The following CORIN variants were observed in gnomAD, a reference collection of about 807,000 sequenced individuals.
The protein encoded by CORIN is atrial natriuretic peptide-converting enzyme.
CORIN carries 117 observed loss-of-function variants against 125.3 expected under a neutral mutation model. The observed-to-expected ratio is 0.93, with a 90% CI of 0.80 to 1.09. The LOEUF is 1.09. CORIN is among the 50% of genes least tolerant of loss of function. The pLI is 0.00. For synonymous variants in CORIN, 450 were observed against 466.4 expected (o/e 0.96, Z 0.45); for missense variants, 1,253 against 1,306.7 (o/e 0.96, Z 0.63).
intron 5 of CORIN, among the ~76,000 whole-genome samples, chr4:47,734,689 T>C (rs1728043675): frequency 6.6e-6 from 1 of 152,238 alleles, no homozygotes; most frequent in Admixed American, 6.5e-5. Flanking sequence ...GCAAAACATA[T>C]AGCCCTGGAC....
At chr4:47,626,341 G>A in intron 17 of CORIN, 64 bp downstream of exon 17, 1 of 955,596 alleles carries the variant, frequency 1.0e-6, no homozygotes, top group Non-Finnish European at 1.7e-6. Flanking sequence ...ATGGAAGAAA[G>A]GCCCAATGAT....
In CORIN at chr4:47,594,316, A is replaced by G. The variant is rs918686264; in HGVS notation, c.*1405T>C. ...AAAATACATGTATAAAATTGCAGGT[A>G]GTATCTATTTGGAATGCTGAGGCAG... is the stretch of plus-strand genomic sequence containing the variant. On this transcript the variant is annotated 3_prime_UTR_variant, in exon 22 of 22. Transcript: ENST00000273857. 6 of 152,582 alleles carry G rather than the reference A, an allele frequency of 3.9e-5. No homozygotes were observed. The highest frequency in any genetic ancestry group is 8.8e-5 in the Non-Finnish European group (6 of 67,998). The allele number at this position is 152,582 out of a possible 1,614,324, so 9.5% of individuals were successfully genotyped here.
chr4:47,734,308 C>T (rs61762913), intron 5 of CORIN, among the ~76,000 whole-genome samples: 20 of 152,306 alleles, frequency 1.3e-4, no homozygotes, highest in Admixed American at 3.9e-4. Context: ...TGGAAGAAGA[C>T]GATTGAGACA....
intron 3 of CORIN, among the ~76,000 whole-genome samples, chr4:47,774,495 T>C (rs1401173928): frequency 6.6e-6 from 1 of 152,110 alleles, no homozygotes; most frequent in Non-Finnish European, 1.5e-5. Flanking sequence ...TTCTGATAAA[T>C]AATAAAATTA....
intron 1 of CORIN, among the ~76,000 whole-genome samples, chr4:47,808,437 G>A (rs1424432707): frequency 2.6e-5 from 4 of 152,208 alleles, no homozygotes. Context: ...CAAGGCATAT[G>A]TGATTCCCAT....
chr4:47,760,002 G>A (rs561328253), intron 4 of CORIN, among the ~76,000 whole-genome samples: 95 of 152,116 alleles, frequency 6.2e-4, no homozygotes, highest in Non-Finnish European at 1.2e-3. Flanking sequence ...TTCACCTCCT[G>A]TCATGAATCA....
At chr4:47,762,413 T>C (rs7657944) in intron 4 of CORIN, among the ~76,000 whole-genome samples, 22,331 of 152,230 alleles carry the variant, frequency 0.15, 2,306 homozygotes, top group African/African-American at 0.28. Flanking sequence ...TGATGTTATA[T>C]GTGAATAAGT....
At chr4:47,749,086 G>C (rs1015948425) in intron 4 of CORIN, among the ~76,000 whole-genome samples, 1 of 151,858 alleles carries the variant, frequency 6.6e-6, no homozygotes, top group African/African-American at 2.4e-5. Flanking sequence ...AATATTATTA[G>C]GAGAACTCAG....
chr4:47,821,368 A>G lies in CORIN; in HGVS notation c.64-14321T>C. ...AGGAATATTAATTAATATTTATTAT[A>G]GGTACTTATATATATATAATATTAG... On this transcript the variant is annotated intron_variant, in intron 1 of 21. Coordinates refer to ENST00000273857, the MANE Select transcript of CORIN (RefSeq NM_006587.4). Among the ~76,000 whole-genome samples the G allele has an allele frequency of 2.0e-5, 3 of 151,064 alleles. 1 individual carries two copies. The South Asian group carries it at 6.2e-4, about 31-fold the overall frequency.
At chr4:47,837,760 G>C (rs996604272) in intron 1 of CORIN, 127 bp downstream of exon 1, 33 of 866,044 alleles carry the variant, frequency 3.8e-5, no homozygotes, top group Non-Finnish European at 5.9e-5. Flanking sequence ...GAGCTCACCG[G>C]CGGCTGGGGA....
chr4:47,792,068 A>C (rs1445901463), intron 2 of CORIN, among the ~76,000 whole-genome samples: 1 of 152,200 alleles, frequency 6.6e-6, no homozygotes, highest in Non-Finnish European at 1.5e-5. Context: ...GAGTATCCTA[A>C]ATGTGAATCT....
chr4:47,739,319 T>C (rs1005678628), intron 5 of CORIN, among the ~76,000 whole-genome samples: 9 of 152,118 alleles, frequency 5.9e-5, no homozygotes, highest in Middle Eastern at 3.4e-3. Flanking sequence ...ACTCATCAGA[T>C]AAAATGGAGC....
chr4:47,623,799 G>C, intron 18 of CORIN, 54 bp from the exon 19 acceptor site: 9 of 1,610,068 alleles, frequency 5.6e-6, no homozygotes, highest in Non-Finnish European at 7.7e-6. Context: ...CTTGCTAAAT[G>C]CTTAGCTCTT....
rs992501598 is a variant in CORIN at position 47,747,493 on chromosome 4, G to GTTATT, written c.618-2915_618-2911dup. Among the ~76,000 whole-genome samples, 26 of 151,376 alleles carry GTTATT rather than the reference G, an allele frequency of 1.7e-4. No individual in the cohort carries two copies. In the South Asian group the frequency reaches 1.9e-3, roughly 11 times the overall value. On this transcript the variant is annotated intron_variant, in intron 4 of 21. Coordinates refer to ENST00000273857, the MANE Select transcript of CORIN (RefSeq NM_006587.4). ...GGACCTTTCCTCATTTCTGAACTGA[G>GTTATT]TTATTTTATTTTATTTTATTTCATT...
At position 47,807,020 on chromosome 4, in the gene CORIN, C is replaced by T. The variant is rs1560558283; in HGVS notation, c.91G>A (p.Gly31Ser). The T allele has an allele frequency of 1.2e-6, 2 of 1,613,654 alleles. No homozygotes were observed. The highest frequency in any genetic ancestry group is 8.5e-7 in the Non-Finnish European group (1 of 1,179,862). Residue 31 changes from glycine to serine, a missense_variant, in exon 2 of 22, where the codon GGC becomes AGC. By Grantham distance (56) the Gly-to-Ser change is moderately conservative. Coordinates refer to ENST00000273857, the MANE Select transcript of CORIN (RefSeq NM_006587.4). ...GCCAGCTTCTGAGAGCAGCCATTGCCCATGTTATTGTCATCAGCTCTCAAG... is the reference window on the plus strand; with the variant it reads ...GCCAGCTTCTGAGAGCAGCCATTGCTCATGTTATTGTCATCAGCTCTCAAG... ...PVLRADDNNM[G>S]NGCSQKLATA...
intron 5 of CORIN, among the ~76,000 whole-genome samples, chr4:47,708,766 T>C (rs1220700791): frequency 1.3e-5 from 2 of 152,196 alleles, no homozygotes; most frequent in African/African-American, 4.8e-5. Context: ...AGTCGAAATC[T>C]TTGGCTCTGG....
At chr4:47,640,530 T>C (rs904808806) in intron 16 of CORIN, among the ~76,000 whole-genome samples, 3 of 152,192 alleles carry the variant, frequency 2.0e-5, no homozygotes, top group African/African-American at 7.2e-5. Flanking sequence ...CAGTTTCCTT[T>C]TGGGATAATA....
intron 16 of CORIN, among the ~76,000 whole-genome samples, chr4:47,627,151 TTTTATATTTTTAGTA>T (rs1482434738): frequency 6.6e-6 from 1 of 152,044 alleles, no homozygotes; most frequent in African/African-American, 2.4e-5. Context: ...CCCAGCTAAT[TTTTATATTTTTAGTA>T]GAGATGAGGT....
intron 2 of CORIN, among the ~76,000 whole-genome samples, chr4:47,787,662 T>C (rs1268927449): frequency 6.6e-6 from 1 of 152,108 alleles, no homozygotes; most frequent in African/African-American, 2.4e-5. Context: ...CAGGTGGTGT[T>C]TGGTAACGAG....
Sources: gnomAD v4.1 joint callset for allele counts (sites outside exome capture counted in the v4.1 genomes callset) on GRCh38, gnomAD v4.1.1 for gene constraint, MANE v1.5 for transcripts, NCBI Gene and HGNC (gene_info 2026-07-23, HGNC 2026-07-21) for gene names.